The following ANKRD45 variants were observed in gnomAD, a reference collection of about 807,000 sequenced individuals.
ANKRD45 encodes the protein ankyrin repeat domain-containing protein 45.
Under a neutral mutation model 28.1 loss-of-function variants are expected in ANKRD45, and 21 were observed. That is an observed-to-expected ratio of 0.75 (90% CI 0.53 to 1.08). The LOEUF is 1.08. Among genes scored for constraint, ANKRD45 ranks in the 50% least tolerant of loss-of-function variants. The probability of loss-of-function intolerance (pLI) is 0.00; values close to 1 mark genes in which losing one functional copy is unlikely to be tolerated. For synonymous variants in ANKRD45, 86 were observed against 103.9 expected (o/e 0.83, Z 1.05); for missense variants, 261 against 308.7 (o/e 0.85, Z 1.16).
the ANKRD45 span, among the ~76,000 whole-genome samples, chr1:173,693,066 G>C: frequency 6.6e-6 from 1 of 151,980 alleles, no homozygotes; most frequent in Admixed American, 6.6e-5. Flanking sequence ...ATGGGGGGCC[G>C]GGGGGGTGGA....
chr1:173,636,784 C>G (rs763608127), intron 3 of ANKRD45: 1 of 1,375,766 alleles, frequency 7.3e-7, no homozygotes, highest in South Asian at 1.3e-5. Context: ...TTGAACTCTA[C>G]TGTTTTATGT....
At chr1:173,694,927 C>G in the ANKRD45 span, among the ~76,000 whole-genome samples, 5 of 152,120 alleles carry the variant, frequency 3.3e-5, no homozygotes, top group African/African-American at 1.2e-4. Context: ...CAGAAAACAA[C>G]AGATTCTAAT....
At chr1:173,613,033 C>T (rs1011206841) in intron 5 of ANKRD45, among the ~76,000 whole-genome samples, 6 of 152,046 alleles carry the variant, frequency 3.9e-5, no homozygotes, top group Non-Finnish European at 8.8e-5. Flanking sequence ...AAGTGAGGAG[C>T]GTCTCTGCCT....
At chr1:173,672,054 A>G (rs1313625411), upstream of ANKRD45, among the ~76,000 whole-genome samples, 1 of 152,122 alleles carries the variant, frequency 6.6e-6, no homozygotes, top group Non-Finnish European at 1.5e-5. Context: ...TCTTCTGCCT[A>G]ATGCCCCTCA....
chr1:173,659,738 A>C (rs139888029), intron 1 of ANKRD45, among the ~76,000 whole-genome samples: 176 of 152,320 alleles, frequency 1.2e-3, no homozygotes, highest in African/African-American at 4.0e-3. Flanking sequence ...GAAGAGATTG[A>C]AAAAGAATGT....
At chr1:173,669,303 C>T in intron 1 of ANKRD45, 2 of 392,868 alleles carry the variant, frequency 5.1e-6, no homozygotes, top group South Asian at 3.9e-5. Context: ...ACGGGAAGAG[C>T]ATAAACAAAG....
chr1:173,634,345 G>C (rs1404664895), intron 3 of ANKRD45, among the ~76,000 whole-genome samples: 3 of 151,834 alleles, frequency 2.0e-5, no homozygotes, highest in Non-Finnish European at 4.4e-5. Context: ...ATTATTTTCT[G>C]TATCTCCCTA....
At position 173,627,059 on chromosome 1, in the gene ANKRD45, C is replaced by T. The variant is rs1667971283; in HGVS notation, c.591+6G>A. On this transcript the variant is annotated splice_donor_region_variant and intron_variant, in intron 4 of 5. Coordinates refer to ENST00000333279, the MANE Select transcript of ANKRD45 (RefSeq NM_198493.3). ...TACAGAACAAGCAATAATCACAATA[C>T]AGTACCTTGTCTTCCTTAAGGAGTT... is the stretch of plus-strand genomic sequence containing the variant. The T allele has an allele frequency of 6.3e-7, 1 of 1,586,630 alleles. No homozygotes were observed.
the ANKRD45 span, chr1:173,714,948 G>C: frequency 6.6e-6 from 1 of 152,452 alleles, no homozygotes; most frequent in African/African-American, 2.4e-5. Flanking sequence ...GATATGGGCC[G>C]GTGAAGGGAA....
At chr1:173,626,902 T>C (rs1167927978) in intron 4 of ANKRD45, among the ~76,000 whole-genome samples, 163 bp downstream of exon 4, 1 of 151,808 alleles carries the variant, frequency 6.6e-6, no homozygotes, top group East Asian at 1.9e-4. Context: ...CTATTAGAAG[T>C]TTATAAAGAA....
At chr1:173,712,068 G>A in the ANKRD45 span, among the ~76,000 whole-genome samples, 1 of 152,158 alleles carries the variant, frequency 6.6e-6, no homozygotes, top group Non-Finnish European at 1.5e-5. Flanking sequence ...GAAAAAATAG[G>A]AGTCACTTTG....
chr1:173,699,494 C>T, the ANKRD45 span, among the ~76,000 whole-genome samples: 5 of 152,042 alleles, frequency 3.3e-5, no homozygotes, highest in African/African-American at 7.2e-5. Context: ...TGGCTTCAAC[C>T]CTGGGATGCA....
chr1:173,655,795 C>T (rs1022941252), intron 2 of ANKRD45, among the ~76,000 whole-genome samples: 3 of 152,254 alleles, frequency 2.0e-5, no homozygotes, highest in Non-Finnish European at 4.4e-5. Flanking sequence ...TTTACCTACT[C>T]AAGCCTCAGC....
the ANKRD45 span, among the ~76,000 whole-genome samples, chr1:173,703,275 G>A: frequency 6.7e-6 from 1 of 148,676 alleles, no homozygotes; most frequent in African/African-American, 2.5e-5. Context: ...ACGATCTCGG[G>A]TCACTGCAAG....
In ANKRD45 at chr1:173,612,835, C is replaced by T. The variant is rs546117314; in HGVS notation, c.731-2620G>A. 1,128 of 164,620 alleles carry T rather than the reference C, an allele frequency of 6.9e-3. 12 individuals are homozygous for T. The highest frequency in any genetic ancestry group is 0.024 in the African/African-American group (1,004 of 41,752). 10.2% of individuals were successfully genotyped at this position (164,620 alleles called of 1,614,324 possible). ...CTCCAGCTCCTAACCGCGAGTGATC[C>T]GCCAGCCTCGGCCTCCTGAGGTGCC... On this transcript the variant is annotated intron_variant, in intron 5 of 5. Coordinates refer to ENST00000333279, the MANE Select transcript of ANKRD45 (RefSeq NM_198493.3).
At chr1:173,676,018 G>A in the ANKRD45 span, among the ~76,000 whole-genome samples, 1 of 152,164 alleles carries the variant, frequency 6.6e-6, no homozygotes, top group Non-Finnish European at 1.5e-5. Context: ...TCTTGGGTCT[G>A]TCAGAAAGTG....
chr1:173,615,758 T>C (rs1171883284), intron 5 of ANKRD45, among the ~76,000 whole-genome samples: 1 of 152,110 alleles, frequency 6.6e-6, no homozygotes, highest in Non-Finnish European at 1.5e-5. Context: ...ATTGCAGCAT[T>C]ATCTATAATA....
chr1:173,653,520 A>C (rs1281654646), intron 2 of ANKRD45, among the ~76,000 whole-genome samples: 1 of 152,126 alleles, frequency 6.6e-6, no homozygotes, highest in Non-Finnish European at 1.5e-5. Context: ...ACTTCCAACT[A>C]TGTGGTCAAT....
At chr1:173,615,109 G>A (rs76965967) in intron 5 of ANKRD45, among the ~76,000 whole-genome samples, 9,062 of 152,072 alleles carry the variant, frequency 0.06, 880 homozygotes, top group African/African-American at 0.2. Flanking sequence ...GTAAGCCACC[G>A]CACCCGGCCT....
Sources: allele counts gnomAD v4.1 joint callset (sites outside exome capture counted in the v4.1 genomes callset), GRCh38; gene constraint gnomAD v4.1.1; transcripts MANE v1.5; gene names NCBI Gene and HGNC (gene_info 2026-07-23, HGNC 2026-07-21).